WWOX: variants seen among roughly 807,000 people sequenced by gnomAD.
WWOX encodes the protein WW domain containing oxidoreductase.
In WWOX, 69 loss-of-function variants were observed where a neutral mutation model predicts 46.2. The ratio of observed to expected loss-of-function variants is 1.49; its 90% CI spans 1.23 to 1.82. The LOEUF is 1.82. WWOX is among the 40% of genes most tolerant of loss of function. The pLI is 0.00. For synonymous variants in WWOX, 359 were observed against 202.6 expected (o/e 1.77, Z -6.56); for missense variants, 919 against 542.6 (o/e 1.69, Z -6.89).
chr16:78,726,067 T>A (rs888879565), intron 8 of WWOX, among the ~76,000 whole-genome samples: 2 of 101,336 alleles, frequency 2.0e-5, no homozygotes, highest in African/African-American at 7.1e-5. Context: ...CCTCCCTGCT[T>A]CCCTTCCCTC....
chr16:78,238,991 G>A (rs1440322898), intron 5 of WWOX, among the ~76,000 whole-genome samples: 1 of 152,138 alleles, frequency 6.6e-6, no homozygotes, highest in African/African-American at 2.4e-5. Context: ...CCCAAGGCCT[G>A]CAGATTTGCA....
chr16:78,320,050 T>A (rs932680625), intron 5 of WWOX, among the ~76,000 whole-genome samples: 11 of 152,232 alleles, frequency 7.2e-5, no homozygotes, highest in African/African-American at 2.7e-4. Context: ...AATGGTATAT[T>A]TGGGTGAGAG....
chr16:78,848,360 A>C (rs1028777670), intron 8 of WWOX, among the ~76,000 whole-genome samples: 1 of 152,160 alleles, frequency 6.6e-6, no homozygotes, highest in Non-Finnish European at 1.5e-5. Context: ...AACTAAATGC[A>C]CTGTATTTGC....
intron 2 of WWOX, among the ~76,000 whole-genome samples, chr16:78,109,064 A>T (rs552600385): frequency 1.3e-5 from 2 of 152,196 alleles, no homozygotes; most frequent in African/African-American, 4.8e-5. Context: ...ATGTTTTCCT[A>T]TCGTTGCAGT....
chr16:78,481,763 G>GTA (rs978388047), intron 8 of WWOX, among the ~76,000 whole-genome samples: 3 of 146,720 alleles, frequency 2.0e-5, no homozygotes, highest in Admixed American at 2.0e-4. Flanking sequence ...GTGTGTGTGT[G>GTA]TGCGCGCGCC....
intron 5 of WWOX, among the ~76,000 whole-genome samples, chr16:78,246,040 A>G (rs1597396497): frequency 4.6e-5 from 7 of 152,326 alleles, no homozygotes; most frequent in Admixed American, 1.3e-4. Flanking sequence ...ACGCTTTAGC[A>G]CAAGTGGTAC....
At chr16:79,040,532 C>A (rs2047951101) in intron 8 of WWOX, among the ~76,000 whole-genome samples, 2 of 152,086 alleles carry the variant, frequency 1.3e-5, no homozygotes, top group African/African-American at 2.4e-5. Flanking sequence ...TACCTTGGCC[C>A]CACAAAGTGC....
chr16:78,180,027 TG>T (rs2035478608), intron 5 of WWOX, among the ~76,000 whole-genome samples: 1 of 152,196 alleles, frequency 6.6e-6, no homozygotes, highest in Non-Finnish European at 1.5e-5. Context: ...GCAAATAACT[TG>T]TTGTGTTTTC....
At chr16:78,441,878 A>G (rs915898992) in intron 8 of WWOX, among the ~76,000 whole-genome samples, 30 of 151,798 alleles carry the variant, frequency 2.0e-4, no homozygotes, top group Admixed American at 1.9e-3. Context: ...ATACTCAATA[A>G]CCATTATTGC....
intron 8 of WWOX, among the ~76,000 whole-genome samples, chr16:78,731,227 G>A (rs140884653): frequency 6.6e-6 from 1 of 152,112 alleles, no homozygotes; most frequent in African/African-American, 2.4e-5. Flanking sequence ...ACAGGGCCTG[G>A]TACTTGACAT....
At chr16:78,804,318 A>T (rs2050971598) in intron 8 of WWOX, among the ~76,000 whole-genome samples, 1 of 152,010 alleles carries the variant, frequency 6.6e-6, no homozygotes, top group African/African-American at 2.4e-5. Flanking sequence ...GGCCATTGAA[A>T]ACTCATTACA....
chr16:78,817,444 C>G (rs763432942), intron 8 of WWOX, among the ~76,000 whole-genome samples: 65 of 152,308 alleles, frequency 4.3e-4, no homozygotes, highest in Non-Finnish European at 7.9e-4. Context: ...AATCATAAAA[C>G]TGAAAGATCT....
intron 8 of WWOX, among the ~76,000 whole-genome samples, chr16:78,610,937 G>A (rs2550667): frequency 0.8 from 121,380 of 152,064 alleles, 48,645 homozygotes; most frequent in Non-Finnish European, 0.82. Flanking sequence ...GAGAACGAAC[G>A]GAATTTCAGA....
chr16:78,388,710 C>CT (rs2082112496), intron 6 of WWOX, among the ~76,000 whole-genome samples: 1 of 151,320 alleles, frequency 6.6e-6, no homozygotes, highest in Non-Finnish European at 1.5e-5. Flanking sequence ...TGGCTCACGC[C>CT]TGTAATCCCA....
intron 8 of WWOX, among the ~76,000 whole-genome samples, chr16:78,755,061 A>G: frequency 6.6e-6 from 1 of 151,088 alleles, no homozygotes; most frequent in African/African-American, 2.4e-5. Flanking sequence ...GGTAGGGGGA[A>G]AGGGGAGGGA....
intron 4 of WWOX, among the ~76,000 whole-genome samples, chr16:78,149,287 A>G (rs78946760): frequency 0.045 from 6,916 of 152,286 alleles, 291 homozygotes; most frequent in East Asian, 0.24. Context: ...ACTGGTTGGA[A>G]GTATAGAAGT....
chr16:78,934,891 G>A (rs910090888), intron 8 of WWOX, among the ~76,000 whole-genome samples: 2 of 152,170 alleles, frequency 1.3e-5, no homozygotes, highest in Non-Finnish European at 2.9e-5. Flanking sequence ...CTTGAGCCCA[G>A]GAGTTTGAGA....
intron 8 of WWOX, among the ~76,000 whole-genome samples, chr16:78,848,284 T>C (rs753624183): frequency 6.6e-6 from 1 of 151,506 alleles, no homozygotes; most frequent in Non-Finnish European, 1.5e-5. Flanking sequence ...TCGTTGTTGA[T>C]GTTGTTGTTA....
At chr16:78,813,692 C>G (rs755720276) in intron 8 of WWOX, among the ~76,000 whole-genome samples, 12 of 152,042 alleles carry the variant, frequency 7.9e-5, no homozygotes, top group African/African-American at 2.4e-4. Flanking sequence ...CACATTCATT[C>G]GATGTTTGTT....
Sources: gnomAD v4.1 joint callset for allele counts (sites outside exome capture counted in the v4.1 genomes callset) on GRCh38, gnomAD v4.1.1 for gene constraint, MANE v1.5 for transcripts, NCBI Gene and HGNC (gene_info 2026-07-23, HGNC 2026-07-21) for gene names.